The following ANKS1B variants were observed in gnomAD, a reference collection of about 807,000 sequenced individuals.
The protein encoded by ANKS1B is ankyrin repeat and sterile alpha motif domain containing 1B, also known as ankyrin repeat and sterile alpha motif domain-containing protein 1B.
ANKS1B carries 36 observed loss-of-function variants against 148.3 expected under a neutral mutation model. The observed-to-expected ratio is 0.24, with a 90% CI of 0.19 to 0.32. The LOEUF is 0.32. ANKS1B is among the 10% of genes least tolerant of loss of function. The pLI, the probability that ANKS1B is intolerant of heterozygous loss-of-function variation, is 1.00. For missense variants in ANKS1B, 1,157 were observed against 1,542.6 expected, an observed-to-expected ratio of 0.75 and a Z score of 4.19; for synonymous variants, 542 against 560.8, an observed-to-expected ratio of 0.97 and a Z score of 0.47.
intron 10 of ANKS1B, among the ~76,000 whole-genome samples, chr12:99,484,848 T>C (rs1243314300): frequency 6.6e-6 from 1 of 151,174 alleles, no homozygotes; most frequent in African/African-American, 2.4e-5. Context: ...TGCTTTTGTT[T>C]CCGTTTGTGT....
At chr12:99,595,765 A>G (rs1368108701) in intron 9 of ANKS1B, among the ~76,000 whole-genome samples, 2 of 151,950 alleles carry the variant, frequency 1.3e-5, no homozygotes, top group East Asian at 3.8e-4. Flanking sequence ...AACAAAATAC[A>G]TATGCTTTGT....
rs59979808 is a variant in ANKS1B at position 99,179,428 on chromosome 12, C to CAA, written c.2420-25035_2420-25034dup. On this transcript the variant is annotated intron_variant, in intron 14 of 26. Coordinates refer to ENST00000683438, the MANE Select transcript of ANKS1B (RefSeq NM_001352186.2). ...TGGGTGACACAGCGAGACTCTGTCT[C>CAA]AAAAAAAAAAAAAAAAAAAAAAAAA... Among the ~76,000 whole-genome samples the CAA allele has an allele frequency of 1.2e-3, 91 of 72,930 alleles. 5 individuals are homozygous for CAA. Among genetic ancestry groups the CAA allele is most frequent in the African/African-American group, 3.7e-3 (67 of 18,092 alleles). The allele number at this position is 72,930 out of a possible 152,430, so 47.8% of individuals were successfully genotyped here.
chr12:99,501,274 G>T, intron 10 of ANKS1B, among the ~76,000 whole-genome samples: 1 of 151,752 alleles, frequency 6.6e-6, no homozygotes, highest in Admixed American at 6.6e-5. Context: ...GTTCCTGTTG[G>T]GTTTTCTTTC....
chr12:99,484,603 AC>A (rs1241538617), intron 10 of ANKS1B, among the ~76,000 whole-genome samples: 6 of 151,768 alleles, frequency 4.0e-5, no homozygotes, highest in Non-Finnish European at 8.8e-5. Flanking sequence ...AAAATCTTCC[AC>A]TATTGTTATG....
At chr12:99,532,825 T>A (rs149436253) in intron 9 of ANKS1B, among the ~76,000 whole-genome samples, 2 of 152,272 alleles carry the variant, frequency 1.3e-5, no homozygotes, top group South Asian at 2.1e-4. Flanking sequence ...CAAAGATCAG[T>A]TGGTTGTAGG....
chr12:99,192,185 G>A (rs1364543828), intron 14 of ANKS1B, among the ~76,000 whole-genome samples: 6 of 149,122 alleles, frequency 4.0e-5, no homozygotes, highest in Non-Finnish European at 8.9e-5. Context: ...AACAGAGGTA[G>A]GTGTTTGAGC....
At chr12:99,106,140 A>C (rs1566109857) in intron 15 of ANKS1B, among the ~76,000 whole-genome samples, 1 of 152,232 alleles carries the variant, frequency 6.6e-6, no homozygotes, top group Non-Finnish European at 1.5e-5. Context: ...CATTGGTACT[A>C]TCTGAGGACG....
chr12:98,785,900 G>C (rs753010028), intron 22 of ANKS1B, among the ~76,000 whole-genome samples: 1 of 152,166 alleles, frequency 6.6e-6, no homozygotes, highest in Non-Finnish European at 1.5e-5. Context: ...AGTGAAAGAT[G>C]CTCAAGGCGA....
chr12:99,290,140 C>G (rs982594064), intron 12 of ANKS1B, among the ~76,000 whole-genome samples: 1 of 151,768 alleles, frequency 6.6e-6, no homozygotes, highest in Non-Finnish European at 1.5e-5. Context: ...ATGAGCAACT[C>G]TATGCCAATA....
intron 10 of ANKS1B, among the ~76,000 whole-genome samples, chr12:99,466,182 A>T (rs1287416045): frequency 6.6e-6 from 1 of 152,228 alleles, no homozygotes; most frequent in Non-Finnish European, 1.5e-5. Context: ...CTGCTCCTGA[A>T]TGACTACTGG....
At chr12:99,226,470 A>G (rs1026766619) in intron 14 of ANKS1B, among the ~76,000 whole-genome samples, 11 of 152,208 alleles carry the variant, frequency 7.2e-5, no homozygotes, top group African/African-American at 2.4e-4. Flanking sequence ...TTTGATACAG[A>G]ATTATATCAG....
chr12:99,804,644 A>G (rs2067361952), intron 4 of ANKS1B, among the ~76,000 whole-genome samples: 1 of 152,162 alleles, frequency 6.6e-6, no homozygotes, highest in Non-Finnish European at 1.5e-5. Flanking sequence ...TTCCACCTGG[A>G]GTGTGTAATT....
chr12:99,522,542 T>C (rs1191711047), intron 9 of ANKS1B, among the ~76,000 whole-genome samples: 1 of 152,332 alleles, frequency 6.6e-6, no homozygotes, highest in East Asian at 1.9e-4. Flanking sequence ...GTGTTTTCTA[T>C]AACATTTAAA....
chr12:99,424,349 G>T (rs548770523), intron 11 of ANKS1B, among the ~76,000 whole-genome samples: 69 of 152,238 alleles, frequency 4.5e-4, no homozygotes, highest in African/African-American at 1.6e-3. Context: ...AGAGCATGCT[G>T]CTTTTGAGGA....
intron 9 of ANKS1B, chr12:99,648,130 A>G: frequency 1.9e-6 from 3 of 1,575,600 alleles, no homozygotes; most frequent in Non-Finnish European, 2.6e-6. Flanking sequence ...ATGTTAAGGA[A>G]GGTGTGGAGC....
intron 14 of ANKS1B, among the ~76,000 whole-genome samples, chr12:99,211,212 G>A (rs935198321): frequency 6.6e-6 from 1 of 152,184 alleles, no homozygotes; most frequent in South Asian, 2.1e-4. Flanking sequence ...CCATTGGCTA[G>A]CACTGAGCTC....
rs565246443 is a variant in ANKS1B, at chr12:98,941,574, CA to C, written c.2779-109439del. ...TGAGTATTGATTTGCGGTTACAATT[CA>C]ATTTTAGCAAGTAGGGGAATTTGCA... On this transcript the variant is annotated intron_variant, in intron 17 of 26. Coordinates refer to ENST00000683438, the MANE Select transcript of ANKS1B (RefSeq NM_001352186.2). 2.0e-3 allele frequency among the ~76,000 whole-genome samples: 305 copies of C among 152,248 alleles called. 1 individual carries two copies. The highest frequency in any genetic ancestry group is 7.1e-3 in the African/African-American group (293 of 41,554).
At chr12:99,908,494 C>T (rs950649352) in intron 1 of ANKS1B, among the ~76,000 whole-genome samples, 4 of 152,092 alleles carry the variant, frequency 2.6e-5, no homozygotes, top group Non-Finnish European at 4.4e-5. Flanking sequence ...GTGAGAGAAT[C>T]ACCCAAGCCC....
At chr12:99,388,349 A>G (rs17029313) in intron 12 of ANKS1B, among the ~76,000 whole-genome samples, 6,810 of 152,260 alleles carry the variant, frequency 0.045, 429 homozygotes, top group African/African-American at 0.13. Flanking sequence ...TTTGGGAATG[A>G]TAGGATAGAA....
Sources: gnomAD v4.1 joint callset for allele counts (sites outside exome capture counted in the v4.1 genomes callset) on GRCh38, gnomAD v4.1.1 for gene constraint, MANE v1.5 for transcripts, NCBI Gene and HGNC (gene_info 2026-07-23, HGNC 2026-07-21) for gene names.